Variants in C2CD3 observed in about 807,000 individuals in gnomAD.
The protein encoded by C2CD3 is C2 domain containing 3 centriole elongation regulator, also known as C2 domain-containing protein 3.
Under a neutral mutation model 234.0 loss-of-function variants are expected in C2CD3, and 148 were observed. The observed-to-expected ratio is 0.63, with a 90% CI of 0.55 to 0.72. The LOEUF (loss-of-function observed/expected upper bound fraction) is 0.72. C2CD3 is among the 30% of genes least tolerant of loss of function. The pLI is 0.00. For synonymous variants in C2CD3, 1,000 were observed against 1,035.4 expected, an observed-to-expected ratio of 0.97 and a Z score of 0.66; for missense variants, 2,577 against 2,811.5, an observed-to-expected ratio of 0.92 and a Z score of 1.89.
At chr11:74,118,038 CAAAA>C (rs1957088163) in intron 9 of C2CD3, among the ~76,000 whole-genome samples, 186 bp downstream of exon 9, 1 of 152,104 alleles carries the variant, frequency 6.6e-6, no homozygotes, top group Admixed American at 6.6e-5. Flanking sequence ...ACCTGTTCCC[CAAAA>C]CCTATGGAAA....
chr11:74,037,032 C>G (rs1331834198), intron 30 of C2CD3, among the ~76,000 whole-genome samples: 1 of 152,168 alleles, frequency 6.6e-6, no homozygotes, highest in Admixed American at 6.5e-5. Flanking sequence ...ATCTAGGGTG[C>G]TTGTTAAAAG....
intron 3 of C2CD3, among the ~76,000 whole-genome samples, chr11:74,150,404 C>T (rs906094169): frequency 7.0e-6 from 1 of 143,276 alleles, no homozygotes; most frequent in Non-Finnish European, 1.5e-5. Context: ...AGGAGAATCA[C>T]TTGAACCTGG....
chr11:74,082,871 G>A (rs185231672), intron 22 of C2CD3, among the ~76,000 whole-genome samples: 147 of 152,254 alleles, frequency 9.7e-4, no homozygotes, highest in Non-Finnish European at 1.4e-3. Flanking sequence ...ACTGCCGAAG[G>A]TAATTTATAG....
intron 5 of C2CD3, among the ~76,000 whole-genome samples, chr11:74,134,839 T>A (rs552177804): frequency 6.6e-6 from 1 of 152,142 alleles, no homozygotes; most frequent in East Asian, 1.9e-4. Flanking sequence ...AATCCTCCCA[T>A]CTCAGTCTCC....
chr11:74,085,658 T>A lies in C2CD3; in HGVS notation c.3870A>T (p.Ala1290=), dbSNP rs762575054. 1.2e-6 allele frequency: 2 copies of A among 1,614,202 alleles called. No homozygotes were observed. Among genetic ancestry groups the A allele is most frequent in the South Asian group, 2.2e-5 (2 of 91,082 alleles). Reference sequence around the variant, plus strand: ...CATGATAGACAGCAAAAATAACTTCTGCAAACTCCAACAACTCTGCTAGGA... The same window carrying A: ...CATGATAGACAGCAAAAATAACTTCAGCAAACTCCAACAACTCTGCTAGGA... The part of the protein sequence containing the change: ...ACFLAELLEF[A]EVIFAVYHEN... The change falls in exon 21 of 33, where the codon GCA becomes GCT. Residue 1290 remains alanine, a synonymous_variant. Transcript: ENST00000334126.
chr11:74,092,421 G>A lies in C2CD3; in HGVS notation c.3512C>T (p.Ser1171Leu). Reference sequence around the variant, plus strand: ...ACAAACTTGTTTTCAATTACCTGATGACTGGTTCCTCAATTCTTTCCTGTT... The same window carrying A: ...ACAAACTTGTTTTCAATTACCTGATAACTGGTTCCTCAATTCTTTCCTGTT... ...IENRKELRNQ[S>L]SGLLDVGLRY... Residue 1171 changes from serine (S) to leucine (L), a missense_variant, in exon 19 of 33, where the codon TCA becomes TTA. Physicochemically the swap from Ser to Leu is moderately radical, Grantham distance 145. Transcript: ENST00000334126. 6.2e-7 allele frequency: 1 copy of A among 1,612,760 alleles called. No individual in the cohort carries two copies. Among genetic ancestry groups the A allele is most frequent in the Non-Finnish European group, 8.5e-7 (1 of 1,179,140 alleles).
At chr11:74,150,525 AACAAAAC>A (rs1855563354) in intron 3 of C2CD3, among the ~76,000 whole-genome samples, 18 of 58,176 alleles carry the variant, frequency 3.1e-4, no homozygotes, top group African/African-American at 8.8e-4. Flanking sequence ...ACAAAAAAAA[AACAAAAC>A]AAATTTCTAA....
intron 9 of C2CD3, among the ~76,000 whole-genome samples, chr11:74,116,856 G>GTATATACACGTGTATATGTA (rs1183766006): frequency 9.3e-5 from 12 of 128,972 alleles, no homozygotes; most frequent in South Asian, 2.4e-4. Context: ...GTGTATATGT[G>GTATATACACGTGTATATGTA]TATATACACG....
chr11:74,131,567 T>C (rs1382820610), intron 7 of C2CD3, among the ~76,000 whole-genome samples: 4 of 150,796 alleles, frequency 2.7e-5, no homozygotes, highest in Non-Finnish European at 5.9e-5. Flanking sequence ...ATCAAACTAA[T>C]TGGAGGTTTT....
At chr11:74,141,503 A>G (rs1326417783) in intron 3 of C2CD3, among the ~76,000 whole-genome samples, 3 of 152,304 alleles carry the variant, frequency 2.0e-5, no homozygotes, top group African/African-American at 7.2e-5. Flanking sequence ...TGGCCTTAAC[A>G]ATGAACTGCT....
At chr11:74,107,216 T>A (rs1956557892) in intron 12 of C2CD3, among the ~76,000 whole-genome samples, 1 of 151,974 alleles carries the variant, frequency 6.6e-6, no homozygotes, top group Admixed American at 6.6e-5. Flanking sequence ...TCCCAGCTAC[T>A]CAGGAGGCTG....
At chr11:74,047,302 C>A (rs75022857) in intron 28 of C2CD3, among the ~76,000 whole-genome samples, 30 of 152,266 alleles carry the variant, frequency 2.0e-4, no homozygotes, top group Middle Eastern at 3.4e-3. Flanking sequence ...TTTATGTGGA[C>A]AAAAGGCAAG....
At position 74,013,346 on chromosome 11, in the gene C2CD3, TG is replaced by T; in HGVS notation, c.*38del. On this transcript the variant is annotated 3_prime_UTR_variant, in exon 33 of 33. Transcript: ENST00000334126. ...CAAGCTGGACAAAGCTGACGGAGGGTGGGCAGGTGTCTCCTTCCCCCCAGCC... is the reference window on the plus strand; with the variant it reads ...CAAGCTGGACAAAGCTGACGGAGGGTGGCAGGTGTCTCCTTCCCCCCAGCC... 1.6e-6 allele frequency: 1 copy of T among 621,720 alleles called. No individual in the cohort carries two copies. The highest frequency in any genetic ancestry group is 2.5e-6 in the Non-Finnish European group (1 of 397,082). 38.5% of individuals were successfully genotyped at this position (621,720 alleles called of 1,614,324 possible).
intron 24 of C2CD3, among the ~76,000 whole-genome samples, chr11:74,072,226 A>C (rs1392828222): frequency 1.3e-5 from 2 of 152,208 alleles, no homozygotes; most frequent in Admixed American, 1.3e-4. Flanking sequence ...CTGATATAGA[A>C]TGTTTCAAGG....
chr11:74,118,210 ACAGT>A lies in C2CD3; in HGVS notation c.1520+14_1520+17del. 6.3e-7 allele frequency: 1 copy of A among 1,599,550 alleles called. No individual in the cohort carries two copies. Among genetic ancestry groups the A allele is most frequent in the Non-Finnish European group, 8.5e-7 (1 of 1,173,390 alleles). On this transcript the variant is annotated intron_variant, in intron 9 of 32. Transcript: ENST00000334126. ...TTCCTTTGTGTTTACCTTTAAATAA[ACAGT>A]CAGAGCAGCTCACCTATTTCTCTTG... is the stretch of plus-strand genomic sequence containing the variant.
intron 5 of C2CD3, among the ~76,000 whole-genome samples, chr11:74,136,622 T>G (rs1272997161): frequency 6.6e-6 from 1 of 152,212 alleles, no homozygotes; most frequent in Non-Finnish European, 1.5e-5. Flanking sequence ...ATTATGTATA[T>G]AAAGCACTTG....
At chr11:74,060,506 G>C (rs545530305) in intron 24 of C2CD3, among the ~76,000 whole-genome samples, 1 of 152,282 alleles carries the variant, frequency 6.6e-6, no homozygotes, top group Admixed American at 6.5e-5. Context: ...AGGCAAACAG[G>C]GTCTGGAGTG....
chr11:74,114,617 TG>T, intron 9 of C2CD3, 24 bp from the exon 10 acceptor site: 9 of 1,415,536 alleles, frequency 6.4e-6, no homozygotes, highest in Non-Finnish European at 9.0e-6. Flanking sequence ...ACACAAGCAG[TG>T]AGGCATACTG....
At chr11:74,025,336 G>A (rs578115618) in intron 32 of C2CD3, among the ~76,000 whole-genome samples, 3 of 152,260 alleles carry the variant, frequency 2.0e-5, no homozygotes, top group Non-Finnish European at 2.9e-5. Flanking sequence ...GGTGGCTCAC[G>A]CCTGTAATCC....
Sources: gnomAD v4.1 joint callset for allele counts (sites outside exome capture counted in the v4.1 genomes callset) on GRCh38, gnomAD v4.1.1 for gene constraint, MANE v1.5 for transcripts, NCBI Gene and HGNC (gene_info 2026-07-23, HGNC 2026-07-21) for gene names.